CD300LD: variants seen among roughly 807,000 people sequenced by gnomAD.
The protein encoded by CD300LD is CD300 molecule like family member d.
Under a neutral mutation model 20.3 loss-of-function variants are expected in CD300LD, and 18 were observed. The observed-to-expected ratio is 0.89, with a 90% CI of 0.61 to 1.32. The LOEUF (loss-of-function observed/expected upper bound fraction) is 1.32, where lower values mean the gene tolerates loss of function less well. Ranked by LOEUF, CD300LD falls within the 40% of genes most tolerant of loss-of-function variation. The pLI is 0.00. For missense variants in CD300LD, 195 were observed against 226.6 expected (o/e 0.86, Z 0.90); for synonymous variants, 104 against 90.1 (o/e 1.15, Z -0.87).
rs2030222534 is a variant in CD300LD at position 74,588,513 on chromosome 17, G to C, written c.377C>G (p.Pro126Arg). 3 of 1,602,924 alleles carry C rather than the reference G, an allele frequency of 1.9e-6. No individual in the cohort carries two copies. The highest frequency in any genetic ancestry group is 2.6e-6 in the Non-Finnish European group (3 of 1,172,298). Reference protein sequence around the residue: ...LGVKVQVTINPGTQTAVSEWT... With the variant: ...LGVKVQVTINRGTQTAVSEWT... Reference sequence around the variant, plus strand: ...CACGTATATACACTCCCTCTTACCTGGGTTAATGGTCACTTGAACTTTGAC... The same window carrying C: ...CACGTATATACACTCCCTCTTACCTCGGTTAATGGTCACTTGAACTTTGAC... The change falls in exon 2 of 4, where the codon CCA becomes CGA. Residue 126 changes from proline (P) to arginine (R), a missense_variant and splice_region_variant. Coordinates refer to ENST00000375352, the MANE Select transcript of CD300LD (RefSeq NM_001115152.2).
At chr17:74,590,496 A>G (rs559649992) in intron 1 of CD300LD, 2 of 151,264 alleles carry the variant, frequency 1.3e-5, no homozygotes, top group Admixed American at 1.3e-4. Context: ...TTTAGACTTC[A>G]TTGGAATGTC....
At chr17:74,582,943 A>T (rs187850406) in intron 2 of CD300LD, among the ~76,000 whole-genome samples, 1 of 152,216 alleles carries the variant, frequency 6.6e-6, no homozygotes, top group Non-Finnish European at 1.5e-5. Context: ...TTCAGGAGCA[A>T]TCTAATAATA....
chr17:74,583,312 G>A (rs2030078659), intron 2 of CD300LD, among the ~76,000 whole-genome samples: 1 of 152,198 alleles, frequency 6.6e-6, no homozygotes, highest in African/African-American at 2.4e-5. Flanking sequence ...AATGCCATCT[G>A]ACTGGTATCG....
chr17:74,580,992 T>G (rs1598126386), intron 3 of CD300LD, among the ~76,000 whole-genome samples: 1 of 147,170 alleles, frequency 6.8e-6, no homozygotes. Context: ...GGACTGAGGG[T>G]ATTTGGGGGA....
At position 74,581,408 on chromosome 17, in the gene CD300LD, TG is replaced by T. The variant is rs539019611; in HGVS notation, c.473+809del. Among the ~76,000 whole-genome samples, 769 of 152,224 alleles carry T rather than the reference TG, an allele frequency of 5.1e-3. 6 individuals are homozygous for T. Among genetic ancestry groups the T allele is most frequent in the African/African-American group, 0.018 (750 of 41,534 alleles). On this transcript the variant is annotated intron_variant, in intron 3 of 3. Transcript: ENST00000375352. ...TGTGGTTTGGGCTCTGGCCTTGACC[TG>T]GGGGGCTTGACCACAGCAGGCCGTG...
chr17:74,590,653 T>C (rs967019068), intron 1 of CD300LD: 1 of 152,076 alleles, frequency 6.6e-6, no homozygotes, highest in Admixed American at 6.6e-5. Flanking sequence ...ACTAAGAAAC[T>C]ACACACGACC....
Position 74,588,850 on chromosome 17 carries a change from C to T in CD300LD, c.41-1G>A, listed in dbSNP as rs1432871816. The T allele has an allele frequency of 1.2e-6, 2 of 1,601,032 alleles. No individual in the cohort carries two copies. Among genetic ancestry groups the T allele is most frequent in the Non-Finnish European group, 1.7e-6 (2 of 1,169,986 alleles). ...GTGATTTTAGCGGCAATGGAGTAAC[C>T]TGGAAAACGCAAATTCATGTGTCGT... is the stretch of plus-strand genomic sequence containing the variant. On this transcript the variant is annotated splice_acceptor_variant, in intron 1 of 3. Transcript: ENST00000375352. LOFTEE classifies it high-confidence loss of function.
intron 1 of CD300LD, chr17:74,591,868 C>T: frequency 8.4e-6 from 3 of 356,226 alleles, no homozygotes; most frequent in South Asian, 9.0e-5. Context: ...CTCATTAGTT[C>T]CTTCCTTCAT....
In CD300LD at chr17:74,588,677, C is replaced by T. The variant is rs765739470; in HGVS notation, c.213G>A (p.Glu71=). 18 of 1,614,090 alleles carry T rather than the reference C, an allele frequency of 1.1e-5. No individual in the cohort carries two copies. The African/African-American group carries it at 1.5e-4, about 13-fold the overall frequency. The change falls in exon 2 of 4, where the codon GAG becomes GAA. Residue 71 remains glutamate (E), a synonymous_variant. Coordinates refer to ENST00000375352, the MANE Select transcript of CD300LD (RefSeq NM_001115152.2). ...CNILVKTNGS[E]QEVKKNRVSI... is the part of the protein sequence containing the mutation. ...AAACTCGATTCTTCTTTACCTCCTG[C>T]TCTGATCCATTTGTTTTAACAAGGA...
chr17:74,581,032 G>A (rs574146836), intron 3 of CD300LD, among the ~76,000 whole-genome samples: 27 of 152,152 alleles, frequency 1.8e-4, no homozygotes, highest in African/African-American at 6.0e-4. Context: ...AGCAGGCCAC[G>A]GGTCAAAATG....
intron 2 of CD300LD, among the ~76,000 whole-genome samples, chr17:74,582,924 A>T (rs541511459): frequency 6.6e-6 from 1 of 152,324 alleles, no homozygotes; most frequent in Non-Finnish European, 1.5e-5. Flanking sequence ...TTTGATATTC[A>T]AAGTTTGCTT....
intron 2 of CD300LD, among the ~76,000 whole-genome samples, chr17:74,588,062 G>A (rs1292641590): frequency 6.6e-6 from 1 of 152,218 alleles, no homozygotes; most frequent in African/African-American, 2.4e-5. Flanking sequence ...TGGAGGCTAA[G>A]ATGTCCGAGG....
intron 3 of CD300LD, among the ~76,000 whole-genome samples, chr17:74,580,896 T>C (rs1481808585): frequency 5.3e-5 from 6 of 113,622 alleles, no homozygotes; most frequent in Non-Finnish European, 3.3e-5. Flanking sequence ...TGAGGCCCCA[T>C]CTCTAAAAAA....
intron 2 of CD300LD, among the ~76,000 whole-genome samples, chr17:74,586,506 C>A (rs1179319040): frequency 6.6e-6 from 1 of 152,162 alleles, no homozygotes; most frequent in Non-Finnish European, 1.5e-5. Context: ...ATGGCACCCC[C>A]CTGTCGGGAA....
chr17:74,591,868 C>A, intron 1 of CD300LD: 5 of 356,226 alleles, frequency 1.4e-5, no homozygotes, highest in Non-Finnish European at 1.9e-5. Flanking sequence ...CTCATTAGTT[C>A]CTTCCTTCAT....
intron 2 of CD300LD, 43 bp from the exon 3 acceptor site, chr17:74,582,354 G>A: frequency 1.3e-6 from 2 of 1,553,182 alleles, no homozygotes; most frequent in Non-Finnish European, 1.8e-6. Flanking sequence ...TTCCATGGAT[G>A]GCCCAGCTCT....
In CD300LD at chr17:74,579,907, A is replaced by G; in HGVS notation, c.*95T>C. The G allele has an allele frequency of 1.4e-6, 1 of 710,972 alleles. No homozygotes were observed. The highest frequency in any genetic ancestry group is 2.4e-6 in the Non-Finnish European group (1 of 413,800). 44.0% of individuals were successfully genotyped at this position (710,972 alleles called of 1,614,324 possible). A position where few individuals can be genotyped will look rare whatever the true frequency, so the allele number is the denominator to read the frequency against. On this transcript the variant is annotated 3_prime_UTR_variant, in exon 4 of 4. Coordinates refer to ENST00000375352, the MANE Select transcript of CD300LD (RefSeq NM_001115152.2). ...CTCTAGAAAGAAAAAAAGAAGAGAA[A>G]AGAAAATGTTTTTTCTTCTGTGGGA...
chr17:74,585,458 C>T (rs999239821), intron 2 of CD300LD, among the ~76,000 whole-genome samples: 1 of 152,166 alleles, frequency 6.6e-6, no homozygotes, highest in Non-Finnish European at 1.5e-5. Flanking sequence ...TCACCCCCTC[C>T]AGTAGCAGAA....
chr17:74,585,635 A>G (rs1719498), intron 2 of CD300LD, among the ~76,000 whole-genome samples: 1,609 of 152,330 alleles, frequency 0.011, 33 homozygotes, highest in African/African-American at 0.037. Flanking sequence ...ACCCCACTAC[A>G]GTTTAAGTTG....
Sources: gnomAD v4.1 joint callset for allele counts (sites outside exome capture counted in the v4.1 genomes callset) on GRCh38, gnomAD v4.1.1 for gene constraint, MANE v1.5 for transcripts, NCBI Gene and HGNC (gene_info 2026-07-23, HGNC 2026-07-21) for gene names.